Variants in ECE1 observed in about 807,000 individuals in gnomAD.
ECE1 encodes the protein endothelin converting enzyme 1.
ECE1 carries 35 observed loss-of-function variants against 98.6 expected under a neutral mutation model. The observed-to-expected ratio is 0.35, with a 90% CI of 0.27 to 0.47. The LOEUF (loss-of-function observed/expected upper bound fraction) is 0.47, where lower values mean the gene tolerates loss of function less well. Among genes scored for constraint, ECE1 ranks in the 20% least tolerant of loss-of-function variants. ECE1 has a pLI of 1.00. For synonymous variants in ECE1, 394 were observed against 407.1 expected, an observed-to-expected ratio of 0.97 and a Z score of 0.39; for missense variants, 814 against 1,025.3, an observed-to-expected ratio of 0.79 and a Z score of 2.81.
rs1216544136 is a variant in ECE1 at position 21,304,314 on chromosome 1, T to C, written c.4-14158A>G. The stretch of plus-strand genomic sequence containing the variant: ...CTGGGCAACAGAGCGAGACTCCCTC[T>C]CAAAAAAAAAAAAAAAAAAAAAAAA... On this transcript the variant is annotated intron_variant, in intron 1 of 18. Transcript: ENST00000415912. Among the ~76,000 whole-genome samples the C allele has an allele frequency of 5.9e-4, 24 of 40,694 alleles. 1 individual carries two copies. Among genetic ancestry groups the C allele is most frequent in the African/African-American group, 4.1e-3 (24 of 5,860 alleles). 26.7% of individuals were successfully genotyped at this position (40,694 alleles called of 152,430 possible).
intron 1 of ECE1, among the ~76,000 whole-genome samples, chr1:21,314,973 C>T (rs1355653248): frequency 6.6e-6 from 1 of 152,202 alleles, no homozygotes; most frequent in Non-Finnish European, 1.5e-5. Context: ...TGAAGTCTTC[C>T]TCTGTGTCCC....
chr1:21,289,967 A>C, intron 2 of ECE1, 103 bp downstream of exon 2: 1 of 1,070,300 alleles, frequency 9.3e-7, no homozygotes, highest in Non-Finnish European at 1.1e-6. Context: ...AGGGGAAGGG[A>C]GGGGAAGAGG....
intron 3 of ECE1, 125 bp downstream of exon 3, chr1:21,279,066 G>A: frequency 6.5e-7 from 1 of 1,539,664 alleles, no homozygotes; most frequent in Non-Finnish European, 8.9e-7. Context: ...GACCCCCCTG[G>A]GCCTGGCTCC....
At chr1:21,261,552 T>C (rs2098226874) in intron 4 of ECE1, among the ~76,000 whole-genome samples, 1 of 152,192 alleles carries the variant, frequency 6.6e-6, no homozygotes, top group South Asian at 2.1e-4. Flanking sequence ...AAGATGTTCA[T>C]TCCCAAAGGC....
intron 1 of ECE1, among the ~76,000 whole-genome samples, chr1:21,304,051 C>T (rs961652760): frequency 1.3e-5 from 2 of 150,588 alleles, no homozygotes; most frequent in African/African-American, 4.9e-5. Flanking sequence ...CGCAGTGGCT[C>T]ACGCCTGTAA....
At chr1:21,227,270 G>A (rs748863472) in intron 15 of ECE1, 44 bp from the exon 16 acceptor site, 12 of 1,557,928 alleles carry the variant, frequency 7.7e-6, no homozygotes, top group Non-Finnish European at 8.9e-6. Context: ...TTTGAGAGGA[G>A]GGCCTCTCAC....
In ECE1 at chr1:21,225,030, A is replaced by C. The variant is rs1295225854; in HGVS notation, c.2040+220T>G. On this transcript the variant is annotated intron_variant, in intron 17 of 18. Coordinates refer to ENST00000374893, the MANE Select transcript of ECE1 (RefSeq NM_001397.3). This position sits in a 1 kb window ranked among gnomAD's most constrained non-coding sequence, Gnocchi z 5.3. ...CCTTCCTGTGTCTTTGTCAGGCCAG[A>C]CTCAGAGCACAAAGCCTTCTGGTGC... Among the ~76,000 whole-genome samples, 1 of 152,094 alleles carries C rather than the reference A, an allele frequency of 6.6e-6. No homozygotes were observed. The highest frequency in any genetic ancestry group is 2.4e-5 in the African/African-American group (1 of 41,418).
At chr1:21,237,623 C>T (rs1301940024) in intron 11 of ECE1, among the ~76,000 whole-genome samples, 6 of 152,278 alleles carry the variant, frequency 3.9e-5, no homozygotes, top group Non-Finnish European at 5.9e-5. Context: ...CTCATTTAAT[C>T]TCTCTCTGTG....
intron 1 of ECE1, among the ~76,000 whole-genome samples, chr1:21,342,110 A>G (rs1639410010): frequency 6.6e-6 from 1 of 151,828 alleles, no homozygotes; most frequent in South Asian, 2.1e-4. Flanking sequence ...TCAAACCAAA[A>G]CCCTGGGCCC....
At chr1:21,228,820 T>C (rs1352926855) in intron 14 of ECE1, among the ~76,000 whole-genome samples, 4 of 148,736 alleles carry the variant, frequency 2.7e-5, no homozygotes, top group Non-Finnish European at 5.9e-5. Context: ...AAAAAGATTT[T>C]GAAAAGTCAC....
At chr1:21,230,241 A>G (rs938003707) in intron 14 of ECE1, among the ~76,000 whole-genome samples, 13 of 152,170 alleles carry the variant, frequency 8.5e-5, no homozygotes, top group African/African-American at 2.9e-4. Context: ...TTCAGATTCC[A>G]TAGTGCAATT....
Position 21,238,023 on chromosome 1 carries a change from C to T in ECE1, c.1389+111G>A, listed in dbSNP as rs560990578. 7 of 968,184 alleles carry T rather than the reference C, an allele frequency of 7.2e-6. No homozygotes were observed. In the African/African-American group the frequency reaches 1.1e-4, roughly 15 times the overall value. The allele number at this position is 968,184 out of a possible 1,614,324, so 60.0% of individuals were successfully genotyped here. A position where few individuals can be genotyped will look rare whatever the true frequency, so the allele number is the denominator to read the frequency against. On this transcript the variant is annotated intron_variant, in intron 11 of 18. Coordinates refer to ENST00000374893, the MANE Select transcript of ECE1 (RefSeq NM_001397.3). Reference sequence around the variant, plus strand: ...CATTGAGGCTGTGGCCCTAAGGTCCCCTGCCCAGGAGCAGGAAAGGCCCAG... The same window carrying T: ...CATTGAGGCTGTGGCCCTAAGGTCCTCTGCCCAGGAGCAGGAAAGGCCCAG...
rs1057053225 is a variant in ECE1 at position 21,345,188 on chromosome 1, G to A, written c.3+188C>T. The A allele has an allele frequency of 6.6e-6, 5 of 758,896 alleles. No homozygotes were observed. The highest frequency in any genetic ancestry group is 5.5e-5 in the East Asian group (1 of 18,076). 47.0% of individuals were successfully genotyped at this position (758,896 alleles called of 1,614,324 possible). A position where few individuals can be genotyped will look rare whatever the true frequency, so the allele number is the denominator to read the frequency against. ...CGACGGGACCAAGCGCAGCGCCGCC[G>A]GGAGAGCCGCGCTCTGCCCGGGCGC... On this transcript the variant is annotated intron_variant, in intron 1 of 18. Transcript: ENST00000415912. This position sits in a 1 kb window ranked among gnomAD's most constrained non-coding sequence, Gnocchi z 5.1.
chr1:21,293,105 T>C (rs1476787612), upstream of ECE1, among the ~76,000 whole-genome samples: 2 of 152,206 alleles, frequency 1.3e-5, no homozygotes, highest in Non-Finnish European at 2.9e-5. Flanking sequence ...TTGTCAGTTC[T>C]TTTATACCAT....
At chr1:21,251,358 T>TA (rs1439515792) in intron 8 of ECE1, among the ~76,000 whole-genome samples, 1 of 151,336 alleles carries the variant, frequency 6.6e-6, no homozygotes, top group African/African-American at 2.4e-5. Context: ...GCTAAAAGTA[T>TA]AAAAAAATTA....
chr1:21,224,705 C>T (rs1031572630), intron 17 of ECE1, among the ~76,000 whole-genome samples: 5 of 152,264 alleles, frequency 3.3e-5, no homozygotes, highest in African/African-American at 4.8e-5. Context: ...TCTGACTCCG[C>T]GAGCATCTCT....
At chr1:21,244,728 T>A (rs2098200934) in intron 10 of ECE1, among the ~76,000 whole-genome samples, 1 of 152,196 alleles carries the variant, frequency 6.6e-6, no homozygotes, top group Non-Finnish European at 1.5e-5. Context: ...GTGGGGCTAA[T>A]AACAGTACTC....
chr1:21,233,530 C>T lies in ECE1; in HGVS notation c.1670+28G>A, dbSNP rs757388961. ...TTGCCCACAGGTGGGGAGCTGGCAC[C>T]TTGCCGGCAGGGCCTGGGGGAACTC... On this transcript the variant is annotated intron_variant, in intron 14 of 18. Coordinates refer to ENST00000374893, the MANE Select transcript of ECE1 (RefSeq NM_001397.3). This position sits in a 1 kb window ranked among gnomAD's most constrained non-coding sequence, Gnocchi z 4.0. 41 of 1,607,668 alleles carry T rather than the reference C, an allele frequency of 2.6e-5. No individual in the cohort carries two copies. The highest frequency in any genetic ancestry group is 3.3e-5 in the Non-Finnish European group (39 of 1,175,566).
intron 1 of ECE1, among the ~76,000 whole-genome samples, chr1:21,306,947 G>C (rs1458388614): frequency 6.6e-6 from 1 of 152,180 alleles, no homozygotes; most frequent in Non-Finnish European, 1.5e-5. Context: ...GTCAGGACTA[G>C]AAGCCAGGCT....
Sources: gnomAD v4.1 joint callset for allele counts (sites outside exome capture counted in the v4.1 genomes callset) on GRCh38, gnomAD v4.1.1 for gene constraint, Gnocchi (gnomAD v3.1) non-coding constraint, MANE v1.5 for transcripts, NCBI Gene and HGNC (gene_info 2026-07-23, HGNC 2026-07-21) for gene names.